The following RCL1 variants were observed in gnomAD, a reference collection of about 807,000 sequenced individuals.
The protein encoded by RCL1 is RNA 3'-terminal phosphate cyclase-like protein.
Under a neutral mutation model 42.4 loss-of-function variants are expected in RCL1, and 24 were observed. That is an observed-to-expected ratio of 0.57 (90% CI 0.41 to 0.80). RCL1 has a LOEUF of 0.80. Ranked by LOEUF, RCL1 falls within the 30% of genes least tolerant of loss-of-function variation. The pLI is 0.00. For missense variants in RCL1, 578 were observed against 467.9 expected (o/e 1.24, Z -2.17); for synonymous variants, 228 against 177.3 (o/e 1.29, Z -2.27).
At chr9:4,835,888 T>C (rs1817111177) in intron 5 of RCL1, among the ~76,000 whole-genome samples, 1 of 152,202 alleles carries the variant, frequency 6.6e-6, no homozygotes, top group African/African-American at 2.4e-5. Context: ...TTACTACTAT[T>C]CTTTTTATTC....
In RCL1 at chr9:4,794,804, A is replaced by G. The variant is rs1029027; in HGVS notation, c.136+1577A>G. ...TTCTCCCCCTCCACTGTATGTGAGC[A>G]TCTCTTCAAAGCATCTCACACATAT... On this transcript the variant is annotated intron_variant, in intron 1 of 8. Transcript: ENST00000381750. Among the ~76,000 whole-genome samples the G allele has an allele frequency of 7.6e-4, 116 of 152,198 alleles. 1 individual carries two copies. In the South Asian group the frequency reaches 0.024, roughly 31 times the overall value.
chr9:4,815,429 C>G (rs1816337479), intron 1 of RCL1, among the ~76,000 whole-genome samples: 1 of 147,640 alleles, frequency 6.8e-6, no homozygotes, highest in Non-Finnish European at 1.5e-5. Flanking sequence ...TCATTGAAGT[C>G]TTAAGCTGCA....
At chr9:4,819,560 G>C (rs1816512765) in intron 1 of RCL1, among the ~76,000 whole-genome samples, 1 of 152,208 alleles carries the variant, frequency 6.6e-6, no homozygotes, top group African/African-American at 2.4e-5. Context: ...TGTAATCCCA[G>C]CACTTTGGGA....
intron 1 of RCL1, among the ~76,000 whole-genome samples, chr9:4,809,184 T>C (rs1816080822): frequency 6.6e-6 from 1 of 152,194 alleles, no homozygotes; most frequent in South Asian, 2.1e-4. Context: ...CTATAGATAC[T>C]CAGTAATCTT....
At chr9:4,835,066 G>A (rs901189786) in intron 5 of RCL1, among the ~76,000 whole-genome samples, 1 of 152,240 alleles carries the variant, frequency 6.6e-6, no homozygotes, top group South Asian at 2.1e-4. Context: ...CCTGAGCAGA[G>A]GTGGCAGTGC....
intron 1 of RCL1, among the ~76,000 whole-genome samples, chr9:4,796,471 C>T (rs1408351309): frequency 6.6e-6 from 1 of 152,198 alleles, no homozygotes. Flanking sequence ...TCATGGCTCA[C>T]TGTAGCCTCA....
intron 8 of RCL1, among the ~76,000 whole-genome samples, chr9:4,853,821 C>T (rs974401776): frequency 6.6e-6 from 1 of 151,930 alleles, no homozygotes; most frequent in Admixed American, 6.6e-5. Context: ...TAGTTAATGA[C>T]CTTTTTCCAT....
intron 7 of RCL1, among the ~76,000 whole-genome samples, chr9:4,845,652 C>T (rs1034561401): frequency 2.0e-5 from 3 of 152,316 alleles, no homozygotes; most frequent in Middle Eastern, 3.4e-3. Flanking sequence ...GCCTTGGTCC[C>T]ACATCAAGAA....
chr9:4,812,303 A>G lies in RCL1; in HGVS notation c.137-11245A>G, dbSNP rs147100885. Among the ~76,000 whole-genome samples, 7 of 151,194 alleles carry G rather than the reference A, an allele frequency of 4.6e-5. No homozygotes were observed. In the East Asian group the frequency reaches 1.4e-3, roughly 30 times the overall value. ...TGCTTCCCTAATGTTTTCTTCTAGTAGTTTCATAGTATTGGATCTTACATT... is the reference window on the plus strand; with the variant it reads ...TGCTTCCCTAATGTTTTCTTCTAGTGGTTTCATAGTATTGGATCTTACATT... On this transcript the variant is annotated intron_variant, in intron 1 of 8. Coordinates refer to ENST00000381750, the MANE Select transcript of RCL1 (RefSeq NM_005772.5).
chr9:4,831,737 T>C (rs927219008), intron 3 of RCL1, among the ~76,000 whole-genome samples: 4 of 152,240 alleles, frequency 2.6e-5, no homozygotes, highest in African/African-American at 9.6e-5. Context: ...TAGTTTCCCC[T>C]GCCCCACCTG....
chr9:4,796,597 T>C (rs1842918139), intron 1 of RCL1, among the ~76,000 whole-genome samples: 1 of 152,156 alleles, frequency 6.6e-6, no homozygotes, highest in Admixed American at 6.5e-5. Context: ...TGGGGTGTTG[T>C]CTATGTTGCC....
intron 8 of RCL1, among the ~76,000 whole-genome samples, chr9:4,856,610 A>G (rs1323076411): frequency 6.6e-6 from 1 of 152,210 alleles, no homozygotes; most frequent in Admixed American, 6.5e-5. Context: ...ATTAGACACC[A>G]TGAGCAGAGA....
intron 2 of RCL1, among the ~76,000 whole-genome samples, chr9:4,824,766 A>T (rs767189217): frequency 2.0e-5 from 3 of 152,180 alleles, no homozygotes; most frequent in Non-Finnish European, 4.4e-5. Context: ...GCCATATCTT[A>T]TGGAGAACAG....
At chr9:4,853,157 A>T (rs1366246966) in intron 8 of RCL1, among the ~76,000 whole-genome samples, 1 of 152,022 alleles carries the variant, frequency 6.6e-6, no homozygotes, top group Non-Finnish European at 1.5e-5. Flanking sequence ...TTTTCATCAT[A>T]ACTTCATAAG....
At chr9:4,855,028 G>A (rs894167968) in intron 8 of RCL1, among the ~76,000 whole-genome samples, 1 of 141,260 alleles carries the variant, frequency 7.1e-6, no homozygotes, top group African/African-American at 2.6e-5. Context: ...ACCCCAGCCT[G>A]GGTGACAGAG....
At position 4,792,987 on chromosome 9, in the gene RCL1, G is replaced by C; in HGVS notation, c.-105G>C. 1 of 1,366,088 alleles carries C rather than the reference G, an allele frequency of 7.3e-7. No individual in the cohort carries two copies. The highest frequency in any genetic ancestry group is 1.4e-5 in the South Asian group (1 of 70,566). The allele number at this position is 1,366,088 out of a possible 1,614,324, so 84.6% of individuals were successfully genotyped here. On this transcript the variant is annotated 5_prime_UTR_variant, in exon 1 of 9. Coordinates refer to ENST00000381750, the MANE Select transcript of RCL1 (RefSeq NM_005772.5). ...TGGGCTGCTGGAGGCAGCCCGAGCC[G>C]CCGCCGTCGGTGTCGCCGCCACCAC...
rs532877046 is a variant in RCL1 at position 4,834,209 on chromosome 9, C to G, written c.528C>G (p.Val176=). ...TTTTCTCATGTCCTGTGAGGAAGGT[C>G]TTGAAGCCCATTCAACTCACAGATC... ...EVVFSCPVRK[V]LKPIQLTDPG... The change falls in exon 5 of 9, where the codon GTC becomes GTG. Residue 176 remains valine (V), a synonymous_variant. Coordinates refer to ENST00000381750, the MANE Select transcript of RCL1 (RefSeq NM_005772.5). The G allele has an allele frequency of 6.2e-7, 1 of 1,613,642 alleles. No homozygotes were observed. The highest frequency in any genetic ancestry group is 1.3e-5 in the African/African-American group (1 of 75,006).
At chr9:4,857,619 C>T (rs1404733925) in intron 8 of RCL1, among the ~76,000 whole-genome samples, 1 of 152,118 alleles carries the variant, frequency 6.6e-6, no homozygotes, top group East Asian at 1.9e-4. Context: ...TTCTCTTGTA[C>T]ATATTCCTAA....
intron 8 of RCL1, among the ~76,000 whole-genome samples, chr9:4,852,837 C>T (rs1201658881): frequency 6.6e-6 from 1 of 151,738 alleles, no homozygotes; most frequent in Non-Finnish European, 1.5e-5. Context: ...TAGAGTAGCC[C>T]GGTCAGGTCA....
Sources: allele counts gnomAD v4.1 joint callset (sites outside exome capture counted in the v4.1 genomes callset), GRCh38; gene constraint gnomAD v4.1.1; transcripts MANE v1.5; gene names NCBI Gene and HGNC (gene_info 2026-07-23, HGNC 2026-07-21).